Variants in RNF157 observed in about 807,000 individuals in gnomAD.
RNF157 encodes E3 ubiquitin ligase RNF157.
In RNF157, 55 loss-of-function variants were observed where a neutral mutation model predicts 88.3. The observed-to-expected ratio is 0.62, with a 90% CI of 0.50 to 0.78. The LOEUF is 0.78. Among genes scored for constraint, RNF157 ranks in the 30% least tolerant of loss-of-function variants. The pLI, the probability that RNF157 is intolerant of heterozygous loss-of-function variation, is 0.00. For synonymous variants in RNF157, 334 were observed against 341.2 expected, an observed-to-expected ratio of 0.98 and a Z score of 0.23; for missense variants, 788 against 860.8, an observed-to-expected ratio of 0.92 and a Z score of 1.06.
intron 2 of RNF157, 101 bp from the exon 3 acceptor site, chr17:76,173,891 G>A: frequency 1.1e-6 from 1 of 922,994 alleles, no homozygotes; most frequent in Non-Finnish European, 1.7e-6. Context: ...AGGTGAGGCA[G>A]GAAGGCACAA....
At chr17:76,158,570 G>C (rs2068802393) in intron 12 of RNF157, 69 bp from the exon 13 acceptor site, 1 of 1,094,160 alleles carries the variant, frequency 9.1e-7, no homozygotes, top group Non-Finnish European at 1.4e-6. Context: ...ACTGCAAGGG[G>C]AGCTGAGGGG....
rs1225481553 is a variant in RNF157, at chr17:76,240,032, T to TC, written c.88+120dup. 1 of 410,516 alleles carries TC rather than the reference T, an allele frequency of 2.4e-6. No individual in the cohort carries two copies. Among genetic ancestry groups the TC allele is most frequent in the Admixed American group, 5.3e-5 (1 of 19,018 alleles). The allele number at this position is 410,516 out of a possible 1,614,324, so 25.4% of individuals were successfully genotyped here. ...AGACCTCCCGCGCTCGAAGACCGTT[T>TC]CGGAGCGTCCGCAACCACTGAGTCC... On this transcript the variant is annotated intron_variant, in intron 1 of 18. Coordinates refer to ENST00000269391, the MANE Select transcript of RNF157 (RefSeq NM_052916.3). This position sits in a 1 kb window ranked among gnomAD's most constrained non-coding sequence, Gnocchi z 4.4.
At position 76,146,742 on chromosome 17, in the gene RNF157, C is replaced by G. The variant is rs1598379470; in HGVS notation, c.1922-1389G>C. 1 of 985,264 alleles carries G rather than the reference C, an allele frequency of 1.0e-6. No individual in the cohort carries two copies. Among genetic ancestry groups the G allele is most frequent in the East Asian group, 1.1e-4 (1 of 8,830 alleles). 61.0% of individuals were successfully genotyped at this position (985,264 alleles called of 1,614,324 possible). A position where few individuals can be genotyped will look rare whatever the true frequency, so the allele number is the denominator to read the frequency against. ...GGACAAAGCTCCTCCTGGGCAGGGG[C>G]CGTGACTTCTTCACTGTTGCAGTCC... On this transcript the variant is annotated intron_variant, in intron 18 of 18. Coordinates refer to ENST00000269391, the MANE Select transcript of RNF157 (RefSeq NM_052916.3). This position sits in a 1 kb window ranked among gnomAD's most constrained non-coding sequence, Gnocchi z 4.2.
chr17:76,173,850 C>T lies in RNF157; in HGVS notation c.208-60G>A, dbSNP rs1006837522. The T allele has an allele frequency of 5.3e-5, 74 of 1,408,520 alleles. No individual in the cohort carries two copies. In the Middle Eastern group the frequency reaches 8.8e-4, roughly 17 times the overall value. 87.3% of individuals were successfully genotyped at this position (1,408,520 alleles called of 1,614,324 possible). A position where few individuals can be genotyped will look rare whatever the true frequency, so the allele number is the denominator to read the frequency against. On this transcript the variant is annotated intron_variant, in intron 2 of 18. Transcript: ENST00000269391. ...TTTAAAAAGACCCACAGCTGTCCCT[C>T]GCTTTACAGTTTGCCAAGAATAGCC...
intron 3 of RNF157, among the ~76,000 whole-genome samples, chr17:76,171,089 T>G (rs1003685279): frequency 2.6e-5 from 4 of 152,070 alleles, no homozygotes; most frequent in Non-Finnish European, 5.9e-5. Flanking sequence ...AGACGGGGTT[T>G]CACTGTGTTA....
chr17:76,185,476 T>C (rs1245369199), intron 2 of RNF157, among the ~76,000 whole-genome samples: 1 of 128,230 alleles, frequency 7.8e-6, no homozygotes, highest in African/African-American at 3.3e-5. Context: ...TAGTCCTTTC[T>C]TTTTTTTTTT....
At chr17:76,156,379 G>A (rs1026555882) in intron 13 of RNF157, 58 bp from the exon 14 acceptor site, 4 of 1,610,808 alleles carry the variant, frequency 2.5e-6, no homozygotes, top group Non-Finnish European at 3.4e-6. Context: ...ACCTGTGCTG[G>A]AGGAAGGGGT....
chr17:76,146,804 G>A lies in RNF157; in HGVS notation c.1922-1451C>T. The A allele has an allele frequency of 1.0e-6, 1 of 985,446 alleles. No homozygotes were observed. The highest frequency in any genetic ancestry group is 1.2e-6 in the Non-Finnish European group (1 of 829,906). The allele number at this position is 985,446 out of a possible 1,614,324, so 61.0% of individuals were successfully genotyped here. A position where few individuals can be genotyped will look rare whatever the true frequency, so the allele number is the denominator to read the frequency against. On this transcript the variant is annotated intron_variant, in intron 18 of 18. Transcript: ENST00000269391. This position sits in a 1 kb window ranked among gnomAD's most constrained non-coding sequence, Gnocchi z 4.2. ...CAACACCTGACCCATAGGAGGACCT[G>A]TTCAGCGGACAAGGCCGACCAACTG...
At chr17:76,216,699 A>G (rs904126709) in intron 1 of RNF157, among the ~76,000 whole-genome samples, 1 of 152,068 alleles carries the variant, frequency 6.6e-6, no homozygotes, top group Non-Finnish European at 1.5e-5. Context: ...AATGTTCACA[A>G]TATATTATAA....
intron 18 of RNF157, among the ~76,000 whole-genome samples, chr17:76,149,451 C>T (rs890720848): frequency 2.6e-5 from 4 of 151,994 alleles, no homozygotes; most frequent in African/African-American, 9.7e-5. Flanking sequence ...AGCAATGAGG[C>T]GCCAAGACGG....
intron 13 of RNF157, 37 bp downstream of exon 13, chr17:76,158,356 G>T: frequency 1.4e-6 from 2 of 1,427,030 alleles, no homozygotes; most frequent in Non-Finnish European, 9.9e-7. Context: ...AGTCCCTGGA[G>T]TACAACACCC....
In RNF157 at chr17:76,167,989, T is replaced by C. The variant is rs527606750; in HGVS notation, c.297-192A>G. ...CATTCAGGTTACTTCTGGTATCTCA[T>C]AGTGCTACCACTACACCATTGTGCA... On this transcript the variant is annotated intron_variant, in intron 3 of 18. Coordinates refer to ENST00000269391, the MANE Select transcript of RNF157 (RefSeq NM_052916.3). 3.9e-4 allele frequency among the ~76,000 whole-genome samples: 59 copies of C among 152,354 alleles called. No homozygotes were observed. The South Asian group carries it at 0.011, about 29-fold the overall frequency.
chr17:76,198,967 G>A (rs938915768), intron 2 of RNF157, among the ~76,000 whole-genome samples: 4 of 152,162 alleles, frequency 2.6e-5, no homozygotes, highest in African/African-American at 9.7e-5. Flanking sequence ...GCCCTCCTCC[G>A]ACGTGTTCAT....
At chr17:76,156,167 G>A in intron 14 of RNF157, 43 bp downstream of exon 14, 1 of 1,477,814 alleles carries the variant, frequency 6.8e-7, no homozygotes, top group South Asian at 1.1e-5. Context: ...TGTGGGCTGG[G>A]TAAGGGGGAA....
chr17:76,225,527 TTTGAATGCACATATTGTCTGCATAA>T (rs989010833), intron 1 of RNF157, among the ~76,000 whole-genome samples: 16 of 152,332 alleles, frequency 1.1e-4, no homozygotes, highest in Non-Finnish European at 2.1e-4. Context: ...GAATGGACTA[TTTGAATGCACATATTGTCTGCATAA>T]TTGAATGCAC....
At chr17:76,226,814 T>C in intron 1 of RNF157, 2 of 1,532,206 alleles carry the variant, frequency 1.3e-6, no homozygotes, top group Non-Finnish European at 1.8e-6. Context: ...CATGTTGCGG[T>C]GCTTTGCTGG....
chr17:76,195,313 T>C lies in RNF157; in HGVS notation c.207+17051A>G, dbSNP rs2069460577. ...GACACCACGTAACCAGGAGATCACC[T>C]GTCTCTCCAACTTCATTGGTTATCG... On this transcript the variant is annotated intron_variant, in intron 2 of 18. Transcript: ENST00000269391. The surrounding 1 kb of genome is among the most constrained non-coding windows in gnomAD (Gnocchi z 4.4). Among the ~76,000 whole-genome samples the C allele has an allele frequency of 6.6e-6, 1 of 152,306 alleles. No individual in the cohort carries two copies. Among genetic ancestry groups the C allele is most frequent in the East Asian group, 1.9e-4 (1 of 5,178 alleles).
intron 14 of RNF157, among the ~76,000 whole-genome samples, chr17:76,155,946 A>G (rs536793386): frequency 6.6e-6 from 1 of 152,304 alleles, no homozygotes; most frequent in South Asian, 2.1e-4. Flanking sequence ...GGGACAAGAC[A>G]TTTGCTTTTC....
Position 76,217,213 on chromosome 17 carries a change from T to C in RNF157, c.89-4731A>G, listed in dbSNP as rs577162516. Among the ~76,000 whole-genome samples, 5 of 152,304 alleles carry C rather than the reference T, an allele frequency of 3.3e-5. No homozygotes were observed. The East Asian group carries it at 7.7e-4, about 24-fold the overall frequency. ...TCTGTAGAGATGGAGTTTCACCATG[T>C]TGGCCAGGCTGGTCTCAAACTCCTG... On this transcript the variant is annotated intron_variant, in intron 1 of 18. Transcript: ENST00000269391.
Sources: gnomAD v4.1 joint callset for allele counts (sites outside exome capture counted in the v4.1 genomes callset) on GRCh38, gnomAD v4.1.1 for gene constraint, Gnocchi (gnomAD v3.1) non-coding constraint, MANE v1.5 for transcripts, NCBI Gene and HGNC (gene_info 2026-07-23, HGNC 2026-07-21) for gene names.